The following KIAA1217 variants were observed in gnomAD, a reference collection of about 807,000 sequenced individuals.
KIAA1217 encodes KIAA1217, also known as sickle tail protein homolog.
A neutral mutation model predicts 163.9 loss-of-function variants in KIAA1217; 88 were observed. That is an observed-to-expected ratio of 0.54 (90% CI 0.45 to 0.64). The LOEUF (loss-of-function observed/expected upper bound fraction) is 0.64, where lower values mean the gene tolerates loss of function less well. Among genes scored for constraint, KIAA1217 ranks in the 30% least tolerant of loss-of-function variants. KIAA1217 has a pLI of 0.00. For synonymous variants in KIAA1217, 903 were observed against 923.1 expected, an observed-to-expected ratio of 0.98 and a Z score of 0.39; for missense variants, 2,372 against 2,475.0, an observed-to-expected ratio of 0.96 and a Z score of 0.88.
In KIAA1217 at chr10:24,095,613, C is replaced by T. The variant is rs571178901; in HGVS notation, c.-171+88239C>T. 1.3e-5 allele frequency among the ~76,000 whole-genome samples: 2 copies of T among 152,180 alleles called. 1 individual carries two copies. The highest frequency in any genetic ancestry group is 4.2e-4 in the South Asian group (2 of 4,818). On this transcript the variant is annotated intron_variant, in intron 2 of 18. Transcript: ENST00000376462. The stretch of plus-strand genomic sequence containing the variant: ...TGATGCTGTTCTTTGATTCTCAGAC[C>T]CAGGCCACTCTCTCTTCTCTCTCTA...
At chr10:24,117,048 G>GT (rs1491404119) in intron 2 of KIAA1217, among the ~76,000 whole-genome samples, 2 of 147,712 alleles carry the variant, frequency 1.4e-5, no homozygotes, top group Non-Finnish European at 3.0e-5. Flanking sequence ...TTTTTTTTGG[G>GT]TGGGGGGGGA....
intron 1 of KIAA1217, among the ~76,000 whole-genome samples, chr10:23,863,011 G>A (rs1035603279): frequency 2.6e-5 from 4 of 152,112 alleles, no homozygotes; most frequent in South Asian, 2.1e-4. Flanking sequence ...CAGATTCTTA[G>A]CGACCCTTAA....
rs771590028 is a variant in KIAA1217, at chr10:24,473,307, C to T, written c.926C>T (p.Ala309Val). ...GGATCTACTGCTCATCCACCCCATG[C>T]GATTCCAAATTCCCCACCGTCTACT... ...RPGSTAHPPH[A>V]IPNSPPSTPV... Residue 309 changes from alanine to valine, a missense_variant, in exon 6 of 21, where the codon GCG becomes GTG. Around this residue, in one of 3 missense-constraint regions of KIAA1217, gnomAD observed 1,431 missense variants for 1,470.3 expected, o/e 0.97. Transcript: ENST00000376454. 46 of 1,556,044 alleles carry T rather than the reference C, an allele frequency of 3.0e-5. No individual in the cohort carries two copies. The highest frequency in any genetic ancestry group is 3.5e-4 in the Middle Eastern group (2 of 5,778).
intron 2 of KIAA1217, among the ~76,000 whole-genome samples, chr10:24,370,088 A>G (rs2051368925): frequency 6.6e-6 from 1 of 151,966 alleles, no homozygotes; most frequent in Admixed American, 6.6e-5. Flanking sequence ...ACACGGTGAA[A>G]CCCCATCTCT....
rs113244869 is a variant in KIAA1217, at chr10:23,765,258, G to A, written c.-321+70024G>A. Among the ~76,000 whole-genome samples, 9 of 135,240 alleles carry A rather than the reference G, an allele frequency of 6.7e-5. No homozygotes were observed. In the Admixed American group the frequency reaches 6.7e-4, roughly 10 times the overall value. 88.7% of individuals were successfully genotyped at this position (135,240 alleles called of 152,430 possible). On this transcript the variant is annotated intron_variant, in intron 1 of 18. Coordinates refer to the KIAA1217 transcript ENST00000376462. ...CGCCCAGGCTGGAGTGCAGTGGCGC[G>A]ATCTCCGCTCACTGCAAGCTCCCGG...
intron 10 of KIAA1217, among the ~76,000 whole-genome samples, chr10:24,514,653 T>C (rs1196658320): frequency 6.6e-6 from 1 of 152,178 alleles, no homozygotes; most frequent in East Asian, 1.9e-4. Context: ...AGCCCAATTA[T>C]CTAAAACTAG....
chr10:23,825,164 G>A (rs767287833), intron 1 of KIAA1217, among the ~76,000 whole-genome samples: 2 of 152,090 alleles, frequency 1.3e-5, no homozygotes, highest in Non-Finnish European at 2.9e-5. Context: ...CCTATTAGTG[G>A]TATTAGAAAA....
chr10:24,169,673 C>T (rs1224279522), intron 2 of KIAA1217, among the ~76,000 whole-genome samples: 1 of 151,882 alleles, frequency 6.6e-6, no homozygotes, highest in Non-Finnish European at 1.5e-5. Flanking sequence ...CCAATGTTTG[C>T]TGTGCCAGGG....
chr10:24,450,785 C>T (rs1441053527), intron 5 of KIAA1217, among the ~76,000 whole-genome samples: 1 of 152,196 alleles, frequency 6.6e-6, no homozygotes, highest in African/African-American at 2.4e-5. Context: ...ATCAAGATCA[C>T]ACACTTGTAA....
At chr10:24,338,952 G>A (rs934748026) in intron 2 of KIAA1217, among the ~76,000 whole-genome samples, 7 of 152,076 alleles carry the variant, frequency 4.6e-5, no homozygotes, top group Non-Finnish European at 7.4e-5. Flanking sequence ...GGAAAATTTC[G>A]AGTCAAAGTG....
intron 1 of KIAA1217, among the ~76,000 whole-genome samples, chr10:23,802,175 AG>A (rs1216882648): frequency 6.6e-6 from 1 of 152,214 alleles, no homozygotes; most frequent in African/African-American, 2.4e-5. Context: ...TTGTACAGTC[AG>A]GTAAGATATG....
intron 1 of KIAA1217, among the ~76,000 whole-genome samples, chr10:23,856,385 A>G (rs7079619): frequency 0.031 from 4,699 of 152,216 alleles, 212 homozygotes; most frequent in African/African-American, 0.086. Flanking sequence ...TTGTCTCAGA[A>G]GAGTACCCGT....
chr10:24,057,400 G>T (rs186218148), intron 2 of KIAA1217, among the ~76,000 whole-genome samples: 1 of 152,142 alleles, frequency 6.6e-6, no homozygotes, highest in Admixed American at 6.5e-5. Flanking sequence ...TAACTGAAAT[G>T]TTACACTCGT....
At chr10:23,880,263 T>C (rs139691234) in intron 1 of KIAA1217, among the ~76,000 whole-genome samples, 63 of 151,938 alleles carry the variant, frequency 4.1e-4, no homozygotes, top group African/African-American at 1.4e-3. Flanking sequence ...AGTATAATTC[T>C]ACCATAAAAA....
At chr10:24,284,869 T>C (rs1333647520) in intron 2 of KIAA1217, among the ~76,000 whole-genome samples, 1 of 152,130 alleles carries the variant, frequency 6.6e-6, no homozygotes, top group Non-Finnish European at 1.5e-5. Flanking sequence ...AGTATATGAG[T>C]GTTCCCTTTT....
At chr10:24,398,218 G>A (rs1049108933) in intron 3 of KIAA1217, among the ~76,000 whole-genome samples, 4 of 152,124 alleles carry the variant, frequency 2.6e-5, no homozygotes, top group African/African-American at 9.7e-5. Context: ...CTATAGAAAA[G>A]AAAATCTTAT....
chr10:23,748,704 T>G (rs1839562960), intron 1 of KIAA1217, among the ~76,000 whole-genome samples: 1 of 152,166 alleles, frequency 6.6e-6, no homozygotes, highest in Admixed American at 6.5e-5. Flanking sequence ...CTATTTTCCC[T>G]GTGCCTTTTA....
At chr10:23,862,206 A>G (rs1005364020) in intron 1 of KIAA1217, among the ~76,000 whole-genome samples, 7 of 152,154 alleles carry the variant, frequency 4.6e-5, no homozygotes, top group African/African-American at 1.7e-4. Context: ...ATCTTTGTCT[A>G]GCTTCTTTTA....
At chr10:23,865,020 T>C (rs1038794925) in intron 1 of KIAA1217, among the ~76,000 whole-genome samples, 9 of 152,296 alleles carry the variant, frequency 5.9e-5, no homozygotes, top group Middle Eastern at 6.8e-3. Context: ...CATCTAAAAA[T>C]ACTTTCACAG....
Sources: allele counts gnomAD v4.1 joint callset (sites outside exome capture counted in the v4.1 genomes callset), GRCh38; gene constraint gnomAD v4.1.1; regional missense constraint gnomAD v4.1.1; transcripts MANE v1.5; gene names NCBI Gene and HGNC (gene_info 2026-07-23, HGNC 2026-07-21).